FAM13A: variants seen among roughly 807,000 people sequenced by gnomAD.
The protein encoded by FAM13A is protein FAM13A.
A neutral mutation model predicts 129.6 loss-of-function variants in FAM13A; 76 were observed. The ratio of observed to expected loss-of-function variants is 0.59; its 90% CI spans 0.49 to 0.71. The LOEUF (loss-of-function observed/expected upper bound fraction) is 0.71, where lower values mean the gene tolerates loss of function less well. FAM13A is among the 30% of genes least tolerant of loss of function. The probability of loss-of-function intolerance (pLI) is 0.00; values close to 1 mark genes in which losing one functional copy is unlikely to be tolerated. For missense variants in FAM13A, 1,108 were observed against 1,249.3 expected (o/e 0.89, Z 1.70); for synonymous variants, 443 against 449.9 (o/e 0.98, Z 0.20).
At chr4:88,732,227 A>G in intron 21 of FAM13A, 29 bp from the exon 22 acceptor site, 4 of 1,544,560 alleles carry the variant, frequency 2.6e-6, no homozygotes, top group Non-Finnish European at 3.5e-6. Flanking sequence ...CCCAATAAAA[A>G]TCTGGTCACT....
chr4:88,811,872 A>G (rs7697886), intron 7 of FAM13A, among the ~76,000 whole-genome samples: 78,065 of 152,080 alleles, frequency 0.51, 20,272 homozygotes, highest in East Asian at 0.69. Flanking sequence ...TTAGAAACTT[A>G]ATTCCCAATG....
chr4:88,778,166 C>T (rs1018724709), intron 11 of FAM13A, among the ~76,000 whole-genome samples: 1 of 152,174 alleles, frequency 6.6e-6, no homozygotes, highest in East Asian at 1.9e-4. Flanking sequence ...GGCATTCTCC[C>T]GAAACTCTAG....
intron 1 of FAM13A, among the ~76,000 whole-genome samples, chr4:89,047,313 T>A (rs1323804569): frequency 6.6e-6 from 1 of 152,118 alleles, no homozygotes; most frequent in Non-Finnish European, 1.5e-5. Context: ...TATTTTCTCC[T>A]CTTAAGTTAC....
intron 8 of FAM13A, among the ~76,000 whole-genome samples, chr4:88,801,882 C>T (rs1727538429): frequency 1.3e-5 from 2 of 151,876 alleles, no homozygotes; most frequent in African/African-American, 2.4e-5. Flanking sequence ...ATGCAGAACC[C>T]GAGTCTTAGT....
At chr4:89,035,346 A>C (rs1214786304) in intron 1 of FAM13A, among the ~76,000 whole-genome samples, 2 of 152,154 alleles carry the variant, frequency 1.3e-5, no homozygotes, top group Non-Finnish European at 2.9e-5. Context: ...TTTAAAAGAC[A>C]AAAAATAAAA....
At chr4:88,998,874 T>C (rs943635357) in intron 3 of FAM13A, among the ~76,000 whole-genome samples, 4 of 152,154 alleles carry the variant, frequency 2.6e-5, no homozygotes, top group African/African-American at 9.7e-5. Context: ...GGAGGGATTA[T>C]GTTTCTTACA....
At chr4:88,985,417 C>T (rs919574282) in intron 4 of FAM13A, among the ~76,000 whole-genome samples, 1 of 152,148 alleles carries the variant, frequency 6.6e-6, no homozygotes, top group Non-Finnish European at 1.5e-5. Flanking sequence ...TCAAAACCAA[C>T]AAATTATATA....
At chr4:89,002,153 T>A (rs1428619523) in intron 3 of FAM13A, among the ~76,000 whole-genome samples, 1 of 96,710 alleles carries the variant, frequency 1.0e-5, no homozygotes. Context: ...AAATAATACT[T>A]AAAAAGTGTA....
chr4:88,819,899 T>C (rs903456338), intron 7 of FAM13A, among the ~76,000 whole-genome samples: 1 of 152,180 alleles, frequency 6.6e-6, no homozygotes, highest in Non-Finnish European at 1.5e-5. Flanking sequence ...ATGTAGTGAA[T>C]CATTAAGAAC....
At chr4:88,764,358 A>C (rs1447370195) in intron 13 of FAM13A, among the ~76,000 whole-genome samples, 1 of 152,202 alleles carries the variant, frequency 6.6e-6, no homozygotes, top group Non-Finnish European at 1.5e-5. Flanking sequence ...CTCCCAGATA[A>C]TGTAATTCCC....
chr4:88,862,366 A>C (rs1251507025), intron 6 of FAM13A, among the ~76,000 whole-genome samples: 3 of 152,222 alleles, frequency 2.0e-5, no homozygotes, highest in Non-Finnish European at 4.4e-5. Flanking sequence ...AAAGGCATAA[A>C]ATAAGAAATC....
intron 14 of FAM13A, among the ~76,000 whole-genome samples, chr4:88,758,445 C>T (rs1744137610): frequency 6.6e-6 from 1 of 151,342 alleles, no homozygotes; most frequent in Admixed American, 6.6e-5. Context: ...CTGCTTGGTA[C>T]TATGAGGGGG....
At chr4:88,971,475 T>G (rs984640935) in intron 4 of FAM13A, among the ~76,000 whole-genome samples, 1 of 152,194 alleles carries the variant, frequency 6.6e-6, no homozygotes, top group Non-Finnish European at 1.5e-5. Context: ...TTTTTAAAAA[T>G]GGCTCTGGGA....
At chr4:88,926,628 G>A (rs1394960515) in intron 5 of FAM13A, among the ~76,000 whole-genome samples, 1 of 152,160 alleles carries the variant, frequency 6.6e-6, no homozygotes, top group Admixed American at 6.5e-5. Flanking sequence ...TGACTTTCTA[G>A]TGTTTACCTA....
intron 4 of FAM13A, among the ~76,000 whole-genome samples, chr4:88,956,510 A>T (rs1398447613): frequency 1.3e-5 from 2 of 152,180 alleles, no homozygotes; most frequent in African/African-American, 2.4e-5. Flanking sequence ...GCTATTATTT[A>T]AAAAAAGATG....
At chr4:88,964,973 A>G (rs1349092326) in intron 4 of FAM13A, among the ~76,000 whole-genome samples, 1 of 152,190 alleles carries the variant, frequency 6.6e-6, no homozygotes, top group Admixed American at 6.5e-5. Flanking sequence ...AGAAAATCTA[A>G]AAAGATATAT....
intron 8 of FAM13A, among the ~76,000 whole-genome samples, chr4:88,793,982 A>T (rs1363983241): frequency 6.6e-6 from 1 of 152,034 alleles, no homozygotes; most frequent in African/African-American, 2.4e-5. Flanking sequence ...ACAAAAAGGC[A>T]ATAAGCATTT....
intron 6 of FAM13A, among the ~76,000 whole-genome samples, chr4:88,893,073 C>T (rs1745639249): frequency 6.6e-6 from 1 of 152,106 alleles, no homozygotes; most frequent in Non-Finnish European, 1.5e-5. Flanking sequence ...GAAAGCAGCA[C>T]ACAAATTAAT....
Position 88,758,782 on chromosome 4 carries a change from A to C in FAM13A, c.1698T>G (p.Thr566=). ...FVSEVPQSDL[T]ALCDEKNWEE... ...CCCAGTTCTTTTCATCACACAATGC[A>C]GTCAGGTCCGACTGGGGCACTTCGG... Residue 566 remains threonine (T), a synonymous_variant, in exon 14 of 24, where the codon ACT becomes ACG. Coordinates refer to ENST00000264344, the MANE Select transcript of FAM13A (RefSeq NM_014883.4). 6.2e-7 allele frequency: 1 copy of C among 1,614,008 alleles called. No homozygotes were observed. Among genetic ancestry groups the C allele is most frequent in the South Asian group, 1.1e-5 (1 of 91,074 alleles).
Sources: allele counts gnomAD v4.1 joint callset (sites outside exome capture counted in the v4.1 genomes callset), GRCh38; gene constraint gnomAD v4.1.1; transcripts MANE v1.5; gene names NCBI Gene and HGNC (gene_info 2026-07-23, HGNC 2026-07-21).